ODAD3: variants seen among roughly 807,000 people sequenced by gnomAD.
ODAD3 encodes outer dynein arm-docking complex subunit 3.
ODAD3 carries 57 observed loss-of-function variants against 70.9 expected under a neutral mutation model. The ratio of observed to expected loss-of-function variants is 0.80; its 90% CI spans 0.65 to 1.00. ODAD3 has a LOEUF of 1.00. Among genes scored for constraint, ODAD3 ranks in the 50% least tolerant of loss-of-function variants. The pLI is 0.00. For synonymous variants in ODAD3, 327 were observed against 315.9 expected, an observed-to-expected ratio of 1.04 and a Z score of -0.37; for missense variants, 797 against 763.9, an observed-to-expected ratio of 1.04 and a Z score of -0.51.
chr19:11,420,972 G>A (rs922262344), intron 12 of ODAD3, 25 bp from the exon 13 acceptor site: 1 of 1,607,756 alleles, frequency 6.2e-7, no homozygotes, highest in Non-Finnish European at 8.5e-7. Flanking sequence ...GGGATGAGCA[G>A]GGAGCGATGT....
intron 1 of ODAD3, 93 bp from the exon 2 acceptor site, chr19:11,431,113 CTTTTT>C: frequency 1.6e-6 from 2 of 1,255,658 alleles, no homozygotes; most frequent in Non-Finnish European, 2.2e-6. Flanking sequence ...CAATCATCAA[CTTTTT>C]TTTTTTTTTT....
At chr19:11,423,757 G>T in intron 8 of ODAD3, 120 bp downstream of exon 8, 1 of 1,057,724 alleles carries the variant, frequency 9.5e-7, no homozygotes, top group Non-Finnish European at 1.3e-6. Context: ...TTTGTGAGCT[G>T]AATAACCGAC....
At chr19:11,424,674 T>C (rs1969231423) in intron 7 of ODAD3, among the ~76,000 whole-genome samples, 1 of 75,454 alleles carries the variant, frequency 1.3e-5, no homozygotes, top group East Asian at 4.1e-4. Flanking sequence ...TGTATATATG[T>C]GTATATATAC....
Position 11,423,928 on chromosome 19 carries a change from C to T in ODAD3, c.1065G>A (p.Met355Ile). 6 of 1,613,508 alleles carry T rather than the reference C, an allele frequency of 3.7e-6. No individual in the cohort carries two copies. Among genetic ancestry groups the T allele is most frequent in the Non-Finnish European group, 5.1e-6 (6 of 1,179,974 alleles). Residue 355 changes from methionine to isoleucine, a missense_variant, in exon 8 of 13, where the codon ATG (methionine) becomes ATA (isoleucine). Transcript: ENST00000356392. ...ELRQRWSMYQ[M>I]EVIFGKVKDA... The stretch of plus-strand genomic sequence containing the variant: ...CCTTGACCTTGCCAAAGATCACCTC[C>T]ATCTGGTACATGCTCCAGCGCTGCC...
At chr19:11,434,625 C>T (rs1969610908) in intron 1 of ODAD3, 148 bp downstream of exon 1, 2 of 957,298 alleles carry the variant, frequency 2.1e-6, no homozygotes, top group African/African-American at 1.6e-5. Flanking sequence ...TTTTAAGAGA[C>T]AGAGAAGGAA....
intron 11 of ODAD3, 148 bp from the exon 12 acceptor site, chr19:11,421,360 C>T (rs1969130811): frequency 3.9e-6 from 3 of 766,748 alleles, no homozygotes; most frequent in Non-Finnish European, 6.2e-6. Flanking sequence ...CTTAAGCAGG[C>T]ACCTTGATAC....
chr19:11,422,787 C>T lies in ODAD3; in HGVS notation c.1191G>A (p.Gln397=), dbSNP rs746617793. 2 of 1,611,142 alleles carry T rather than the reference C, an allele frequency of 1.2e-6. No individual in the cohort carries two copies. Among genetic ancestry groups the T allele is most frequent in the Non-Finnish European group, 1.7e-6 (2 of 1,179,920 alleles). The change falls in exon 9 of 13, where the codon CAG becomes CAA. Residue 397 remains glutamine (Q), a synonymous_variant. Transcript: ENST00000356392. This position sits in a 1 kb window ranked among gnomAD's most constrained non-coding sequence, Gnocchi z 4.6. ...QLETLKSENE[Q]TLVRLKQEKQ... is the part of the protein sequence containing the mutation. The stretch of plus-strand genomic sequence containing the variant: ...TCTCCTGCTTCAGCCTCACCAACGT[C>T]TGCTCGTTCTCGCTCTTGAGCGTCT...
In ODAD3 at chr19:11,422,356, G is replaced by C. The variant is rs1969157789; in HGVS notation, c.1434+115C>G. 2 of 1,279,514 alleles carry C rather than the reference G, an allele frequency of 1.6e-6. No homozygotes were observed. The highest frequency in any genetic ancestry group is 1.9e-5 in the African/African-American group (1 of 53,710). 79.3% of individuals were successfully genotyped at this position (1,279,514 alleles called of 1,614,324 possible). ...CGGGGCCTCTGACGTCCGGGACAGA[G>C]GATGTGGCAGGCCACGTTCCCTCGG... is the stretch of plus-strand genomic sequence containing the variant. On this transcript the variant is annotated intron_variant, in intron 10 of 12. Coordinates refer to ENST00000356392, the MANE Select transcript of ODAD3 (RefSeq NM_145045.5). The surrounding 1 kb of genome is among the most constrained non-coding windows in gnomAD (Gnocchi z 4.6).
At chr19:11,435,770 A>C (rs747842967), upstream of ODAD3, 21 of 1,386,230 alleles carry the variant, frequency 1.5e-5, no homozygotes, top group South Asian at 2.4e-4. Context: ...CGGAGGGTGC[A>C]TGTGTGGGTG....
At chr19:11,431,942 CAAAA>C (rs71164201) in intron 1 of ODAD3, among the ~76,000 whole-genome samples, 2 of 64,060 alleles carry the variant, frequency 3.1e-5, no homozygotes. Context: ...GACTCTGCCT[CAAAA>C]AAAAAAAAAA....
chr19:11,425,063 G>A lies in ODAD3; in HGVS notation c.964-1034C>T, dbSNP rs1050569350. ...CATATGTGTATATATGTGTATATGT[G>A]TATATATGTATATGTGTATATGTAC... On this transcript the variant is annotated intron_variant, in intron 7 of 12. Coordinates refer to ENST00000356392, the MANE Select transcript of ODAD3 (RefSeq NM_145045.5). Among the ~76,000 whole-genome samples the A allele has an allele frequency of 6.5e-5, 8 of 123,032 alleles. No individual in the cohort carries two copies. In the South Asian group the frequency reaches 9.7e-4, roughly 15 times the overall value. 80.7% of individuals were successfully genotyped at this position (123,032 alleles called of 152,430 possible).
chr19:11,430,281 G>T (rs1365463099), intron 3 of ODAD3, among the ~76,000 whole-genome samples: 1 of 152,100 alleles, frequency 6.6e-6, no homozygotes, highest in African/African-American at 2.4e-5. Flanking sequence ...GGGATTACAG[G>T]CACGTGCCAT....
Position 11,425,450 on chromosome 19 carries a change from CATAT to C in ODAD3, c.963+690_963+693del, listed in dbSNP as rs1229203040. ...ACACATATGTGTATATGTATATATA[CATAT>C]ATGTGTGTGTATATATGTATATATG... On this transcript the variant is annotated intron_variant, in intron 7 of 12. Transcript: ENST00000356392. Among the ~76,000 whole-genome samples, 508 of 102,046 alleles carry C rather than the reference CATAT, an allele frequency of 5.0e-3. 7 individuals are homozygous for C. The highest frequency in any genetic ancestry group is 0.01 in the East Asian group (32 of 3,130). The allele number at this position is 102,046 out of a possible 152,430, so 66.9% of individuals were successfully genotyped here.
intron 7 of ODAD3, among the ~76,000 whole-genome samples, chr19:11,425,431 A>ATGTGTATATGTATATATACATATATGTG (rs1969323101): frequency 1.4e-5 from 2 of 142,872 alleles, no homozygotes; most frequent in Admixed American, 7.0e-5. Context: ...ATATACACAT[A>ATGTGTATATGTATATATACATATATGTG]TGTGTATATG....
intron 3 of ODAD3, among the ~76,000 whole-genome samples, chr19:11,429,450 G>A (rs549926259): frequency 1.8e-4 from 27 of 150,878 alleles, no homozygotes; most frequent in Middle Eastern, 3.4e-3. Context: ...TCACTCTGTC[G>A]CCCAGACTGG....
chr19:11,422,331 C>A lies in ODAD3; in HGVS notation c.1434+140G>T, dbSNP rs951376746. 1.1e-4 allele frequency: 114 copies of A among 1,064,628 alleles called. No homozygotes were observed. The highest frequency in any genetic ancestry group is 6.7e-5 in the Non-Finnish European group (51 of 766,778). 65.9% of individuals were successfully genotyped at this position (1,064,628 alleles called of 1,614,324 possible). On this transcript the variant is annotated intron_variant, in intron 10 of 12. Coordinates refer to ENST00000356392, the MANE Select transcript of ODAD3 (RefSeq NM_145045.5). This position sits in a 1 kb window ranked among gnomAD's most constrained non-coding sequence, Gnocchi z 4.6. Reference sequence around the variant, plus strand: ...AATGGGGTGGGGCTTCCCCTGTGGGCGGGGCCTCTGACGTCCGGGACAGAG... The same window carrying A: ...AATGGGGTGGGGCTTCCCCTGTGGGAGGGGCCTCTGACGTCCGGGACAGAG...
chr19:11,424,905 A>G (rs12971318), intron 7 of ODAD3, among the ~76,000 whole-genome samples: 1 of 118,790 alleles, frequency 8.4e-6, no homozygotes, highest in South Asian at 2.4e-4. Context: ...GTATATATGT[A>G]TATATGTGTA....
chr19:11,424,667 ATATATGTG>A (rs1969231202), intron 7 of ODAD3, among the ~76,000 whole-genome samples: 1 of 79,462 alleles, frequency 1.3e-5, no homozygotes, highest in Non-Finnish European at 2.1e-5. Flanking sequence ...GTATATATGT[ATATATGTG>A]TATATATACC....
At chr19:11,425,960 G>T (rs1218349445) in intron 7 of ODAD3, among the ~76,000 whole-genome samples, 184 bp downstream of exon 7, 1 of 149,708 alleles carries the variant, frequency 6.7e-6, no homozygotes, top group Non-Finnish European at 1.5e-5. Context: ...GAGGGGAGGG[G>T]AGGAGAGGCG....
Sources: gnomAD v4.1 joint callset for allele counts (sites outside exome capture counted in the v4.1 genomes callset) on GRCh38, gnomAD v4.1.1 for gene constraint, Gnocchi (gnomAD v3.1) non-coding constraint, MANE v1.5 for transcripts, NCBI Gene and HGNC (gene_info 2026-07-23, HGNC 2026-07-21) for gene names.